Variants in PHLDB1 observed in about 807,000 individuals in gnomAD.
PHLDB1 encodes the protein pleckstrin homology like domain family B member 1.
In PHLDB1, 65 loss-of-function variants were observed where a neutral mutation model predicts 139.3. The observed-to-expected ratio is 0.47, with a 90% confidence interval of 0.38 to 0.57. The LOEUF is 0.57. PHLDB1 is among the 20% of genes least tolerant of loss of function. The pLI, the probability that PHLDB1 is intolerant of heterozygous loss-of-function variation, is 0.00. For missense variants in PHLDB1, 1,624 were observed against 1,839.7 expected (o/e 0.88, Z 2.14); for synonymous variants, 679 against 734.5 (o/e 0.92, Z 1.22).
Position 118,611,832 on chromosome 11 carries a change from A to ATAATAATAATAAT in PHLDB1, c.-21-1984_-21-1983insTAATAATAATAAT, listed in dbSNP as rs60176755. ...AAACTCCGTCTCAAAAAAAAAAAAA[A>ATAATAATAATAAT]AATAATAATAATAATAATAAATGGC... On this transcript the variant is annotated intron_variant, in intron 1 of 22. Coordinates refer to ENST00000600882, the MANE Select transcript of PHLDB1 (RefSeq NM_001144758.3). The surrounding 1 kb of genome is among the most constrained non-coding windows in gnomAD (Gnocchi z 4.7). 6.8e-6 allele frequency among the ~76,000 whole-genome samples: 1 copy of ATAATAATAATAAT among 147,064 alleles called. No individual in the cohort carries two copies. Among genetic ancestry groups the ATAATAATAATAAT allele is most frequent in the East Asian group, 2.0e-4 (1 of 5,092 alleles).
At chr11:118,619,983 GTTTAATGAGGGTGTC>G (rs1312572095) in intron 4 of PHLDB1, among the ~76,000 whole-genome samples, 1 of 152,248 alleles carries the variant, frequency 6.6e-6, no homozygotes, top group Admixed American at 6.5e-5. Flanking sequence ...GAGACAGTGT[GTTTAATGAGGGTGTC>G]TGTGTGACTC....
intron 12 of PHLDB1, chr11:118,639,512 A>C: frequency 2.9e-6 from 1 of 350,086 alleles, no homozygotes. Flanking sequence ...GGGGGGACTC[A>C]GGGGCCTGGG....
At chr11:118,654,370 A>C (rs782582282) in intron 20 of PHLDB1, 8 of 152,194 alleles carry the variant, frequency 5.3e-5, no homozygotes, top group Non-Finnish European at 1.2e-4. Flanking sequence ...GTACACATCA[A>C]GGGAGTGTGC....
chr11:118,615,711 A>G (rs1218789577), intron 3 of PHLDB1: 1 of 280,930 alleles, frequency 3.6e-6, no homozygotes, highest in African/African-American at 2.2e-5. Flanking sequence ...ATAAAGGACA[A>G]TAGGGAGAGG....
Position 118,620,826 on chromosome 11 carries a change from C to T in PHLDB1, c.356-4108C>T, listed in dbSNP as rs1416575642. Among the ~76,000 whole-genome samples, 1 of 152,164 alleles carries T rather than the reference C, an allele frequency of 6.6e-6. No individual in the cohort carries two copies. The highest frequency in any genetic ancestry group is 1.5e-5 in the Non-Finnish European group (1 of 68,016). ...GTACAGAGCACTGCTTTGGCCTGAA[C>T]TCCCAGCCCAGGGTGACCTTGTTAC... On this transcript the variant is annotated intron_variant, in intron 4 of 22. Transcript: ENST00000600882. The surrounding 1 kb of genome is among the most constrained non-coding windows in gnomAD (Gnocchi z 4.1).
rs1466300502 is a variant in PHLDB1, at chr11:118,645,642, C to T, written c.3408C>T (p.Asn1136=). 1 of 1,613,100 alleles carries T rather than the reference C, an allele frequency of 6.2e-7. No individual in the cohort carries two copies. The highest frequency in any genetic ancestry group is 2.2e-5 in the East Asian group (1 of 44,884). Residue 1136 remains asparagine (N), a synonymous_variant, in exon 16 of 23, where the codon AAC becomes AAT. Transcript: ENST00000600882. This position sits in a 1 kb window ranked among gnomAD's most constrained non-coding sequence, Gnocchi z 5.1. Reference sequence around the variant, plus strand: ...GCAACTCGGCCTGCTCCCCTGACAACATGTCCAGGTACACCCGACGCCTGG... The same window carrying T: ...GCAACTCGGCCTGCTCCCCTGACAATATGTCCAGGTACACCCGACGCCTGG... The part of the protein sequence containing the change: ...TGGNSACSPD[N]MSSASGLDMG...
intron 9 of PHLDB1, chr11:118,634,550 A>G (rs1202887042): frequency 1.9e-5 from 3 of 156,188 alleles, no homozygotes; most frequent in Non-Finnish European, 2.8e-5. Context: ...GACCTACCCA[A>G]CAATTTCAGT....
rs1555135353 is a variant in PHLDB1, at chr11:118,650,477, C to T, written c.3804C>T (p.Gly1268=). The stretch of plus-strand genomic sequence containing the variant: ...GTGGCTACTTGGTCAAGATGGGCGG[C>T]AAGATTAAATCATGGAAGAAGCGCT... ...VCRGYLVKMG[G]KIKSWKKRWF... is the part of the protein sequence containing the mutation. The change falls in exon 20 of 23, where the codon GGC becomes GGT. Residue 1268 remains glycine (G), a synonymous_variant. Transcript: ENST00000600882. This position sits in a 1 kb window ranked among gnomAD's most constrained non-coding sequence, Gnocchi z 4.7. 11 of 1,614,122 alleles carry T rather than the reference C, an allele frequency of 6.8e-6. No individual in the cohort carries two copies. The highest frequency in any genetic ancestry group is 9.3e-6 in the Non-Finnish European group (11 of 1,179,960).
At chr11:118,644,587 C>A in intron 15 of PHLDB1, 1 of 1,124,132 alleles carries the variant, frequency 8.9e-7, no homozygotes, top group Non-Finnish European at 1.2e-6. Context: ...CTGTGCCTCT[C>A]TCTCCTCTTA....
In PHLDB1 at chr11:118,650,359, C is replaced by T. The variant is rs1948173922; in HGVS notation, c.3772-86C>T. On this transcript the variant is annotated intron_variant, in intron 19 of 22. Transcript: ENST00000600882. This position sits in a 1 kb window ranked among gnomAD's most constrained non-coding sequence, Gnocchi z 4.7. ...CTGAGGAGATGTTGGGGACAATCCC[C>T]CATGAATACAGGCACAGGCGATGGC... The T allele has an allele frequency of 1.3e-5, 14 of 1,050,512 alleles. No individual in the cohort carries two copies. The South Asian group carries it at 1.8e-4, about 13-fold the overall frequency. 65.1% of individuals were successfully genotyped at this position (1,050,512 alleles called of 1,614,324 possible).
intron 20 of PHLDB1, 55 bp from the exon 21 acceptor site, chr11:118,655,550 G>A: frequency 9.0e-7 from 1 of 1,105,324 alleles, no homozygotes; most frequent in Non-Finnish European, 1.4e-6. Flanking sequence ...CCACGTAAAT[G>A]GAGCTAGACC....
chr11:118,639,896 G>A, intron 12 of PHLDB1: 1 of 986,718 alleles, frequency 1.0e-6, no homozygotes, highest in Non-Finnish European at 1.2e-6. Context: ...CAGAGATGGG[G>A]CTGGGGACTA....
chr11:118,641,909 C>T (rs1035168803), intron 12 of PHLDB1: 1 of 679,472 alleles, frequency 1.5e-6, no homozygotes, highest in Admixed American at 3.2e-5. Context: ...TGCCTGCAGG[C>T]TCTGTCTGGT....
rs1253335778 is a variant in PHLDB1, at chr11:118,610,750, C to A, written c.-22+3051C>A. On this transcript the variant is annotated intron_variant, in intron 1 of 22. Transcript: ENST00000600882. The surrounding 1 kb of genome is among the most constrained non-coding windows in gnomAD (Gnocchi z 8.7). The stretch of plus-strand genomic sequence containing the variant: ...GAGAGTTCACTCTGGGTGCTCCACT[C>A]GGCGGAGAGGGCTTCAGACTGGTGT... Among the ~76,000 whole-genome samples the A allele has an allele frequency of 6.6e-6, 1 of 152,174 alleles. No homozygotes were observed. The highest frequency in any genetic ancestry group is 2.4e-5 in the African/African-American group (1 of 41,438).
Position 118,620,211 on chromosome 11 carries a change from G to A in PHLDB1, c.355+4000G>A, listed in dbSNP as rs1555093459. On this transcript the variant is annotated intron_variant, in intron 4 of 22. Coordinates refer to ENST00000600882, the MANE Select transcript of PHLDB1 (RefSeq NM_001144758.3). The surrounding 1 kb of genome is among the most constrained non-coding windows in gnomAD (Gnocchi z 4.1). ...GATGGTAGGTATTAATACCTGACTG[G>A]GCCGGGTGCAGTGGCTCACGCCTGT... Among the ~76,000 whole-genome samples the A allele has an allele frequency of 6.6e-6, 1 of 152,266 alleles. No homozygotes were observed. The highest frequency in any genetic ancestry group is 1.9e-4 in the East Asian group (1 of 5,204).
At position 118,645,316 on chromosome 11, in the gene PHLDB1, G is replaced by A. The variant is rs555082235; in HGVS notation, c.3122-40G>A. The A allele has an allele frequency of 4.6e-5, 68 of 1,475,446 alleles. No individual in the cohort carries two copies. The South Asian group carries it at 7.2e-4, about 16-fold the overall frequency. 91.4% of individuals were successfully genotyped at this position (1,475,446 alleles called of 1,614,324 possible). A position where few individuals can be genotyped will look rare whatever the true frequency, so the allele number is the denominator to read the frequency against. On this transcript the variant is annotated intron_variant, in intron 15 of 22. Coordinates refer to ENST00000600882, the MANE Select transcript of PHLDB1 (RefSeq NM_001144758.3). The surrounding 1 kb of genome is among the most constrained non-coding windows in gnomAD (Gnocchi z 5.1). ...TGCCAGTGGCCTGCTCCTTAGCTGC[G>A]TGGGGAGCCCACTGTGACTCCCATC...
At chr11:118,613,675 C>CT in intron 1 of PHLDB1, 141 bp from the exon 2 acceptor site, 1 of 610,198 alleles carries the variant, frequency 1.6e-6, no homozygotes, top group Non-Finnish European at 2.8e-6. Context: ...CTTTAGCTGC[C>CT]TCTATTTCCC....
intron 9 of PHLDB1, chr11:118,634,635 T>A (rs1591628125): frequency 9.8e-6 from 2 of 204,192 alleles, no homozygotes; most frequent in African/African-American, 4.7e-5. Context: ...CCCCTGCACC[T>A]CTGACTGCCG....
chr11:118,631,170 C>T, intron 6 of PHLDB1, 37 bp from the exon 7 acceptor site: 3 of 1,381,350 alleles, frequency 2.2e-6, no homozygotes, highest in Non-Finnish European at 1.9e-6. Flanking sequence ...GGCTCAGCTT[C>T]CTCCCCTTCA....
Sources: gnomAD v4.1 joint callset for allele counts (sites outside exome capture counted in the v4.1 genomes callset) on GRCh38, gnomAD v4.1.1 for gene constraint, Gnocchi (gnomAD v3.1) non-coding constraint, MANE v1.5 for transcripts, NCBI Gene and HGNC (gene_info 2026-07-23, HGNC 2026-07-21) for gene names.